KRT74: variants seen among roughly 807,000 people sequenced by gnomAD.
KRT74 encodes the protein keratin, type II cytoskeletal 74.
In KRT74, 43 loss-of-function variants were observed where a neutral mutation model predicts 42.7. That is an observed-to-expected ratio of 1.01 (90% CI 0.79 to 1.30). The LOEUF (loss-of-function observed/expected upper bound fraction) is 1.30. KRT74 is among the 50% of genes most tolerant of loss of function. KRT74 has a pLI of 0.00. For missense variants in KRT74, 736 were observed against 689.1 expected, an observed-to-expected ratio of 1.07 and a Z score of -0.76; for synonymous variants, 302 against 279.0, an observed-to-expected ratio of 1.08 and a Z score of -0.82.
Position 52,566,916 on chromosome 12 carries a change from G to A in KRT74, c.*53C>T, listed in dbSNP as rs1218562600. ...ACTTGGGTGTGGCAGACACCTTTGG[G>A]GGTGGCAAAGTCACCTCTTCTTCCA... On this transcript the variant is annotated 3_prime_UTR_variant, in exon 9 of 9. Coordinates refer to ENST00000305620, the MANE Select transcript of KRT74 (RefSeq NM_175053.4). 4 of 1,518,774 alleles carry A rather than the reference G, an allele frequency of 2.6e-6. No individual in the cohort carries two copies. The highest frequency in any genetic ancestry group is 2.7e-6 in the Non-Finnish European group (3 of 1,107,140). The allele number at this position is 1,518,774 out of a possible 1,614,324, so 94.1% of individuals were successfully genotyped here. A position where few individuals can be genotyped will look rare whatever the true frequency, so the allele number is the denominator to read the frequency against.
rs1196459307 is a variant in KRT74 at position 52,566,993 on chromosome 12, G to A, written c.1566C>T (p.Ile522=). 6.2e-7 allele frequency: 1 copy of A among 1,609,838 alleles called. No homozygotes were observed. Among genetic ancestry groups the A allele is most frequent in the Non-Finnish European group, 8.5e-7 (1 of 1,177,370 alleles). ...TCTAGCGGGTGGCTTTCCTTGCTGG[G>A]ATGCTGGCTGGGGTGCTCTTGCCCT... The part of the protein sequence containing the change: ...DTQGKSTPAS[I]PARKATR Residue 522 remains isoleucine, a synonymous_variant, in exon 9 of 9, where the codon ATC becomes ATT. Coordinates refer to ENST00000305620, the MANE Select transcript of KRT74 (RefSeq NM_175053.4).
At position 52,573,367 on chromosome 12, in the gene KRT74, G is replaced by A. The variant is rs149972815; in HGVS notation, c.411C>T (p.Arg137=). The A allele has an allele frequency of 1.0e-4, 165 of 1,614,188 alleles. No individual in the cohort carries two copies. The East Asian group carries it at 2.5e-3, about 24-fold the overall frequency. ...VELDPEIQKV[R]AQEREQIKVL... is the part of the protein sequence containing the mutation. ...CCTTGATCTGTTCCCGCTCCTGGGC[G>A]CGCACCTTCTGGATCTCAGGGTCCA... The change falls in exon 1 of 9, where the codon CGC becomes CGT. Residue 137 remains arginine, a synonymous_variant. Coordinates refer to ENST00000305620, the MANE Select transcript of KRT74 (RefSeq NM_175053.4).
intron 1 of KRT74, 23 bp from the exon 2 acceptor site, chr12:52,572,690 C>T: frequency 6.2e-7 from 1 of 1,607,390 alleles, no homozygotes; most frequent in Non-Finnish European, 8.5e-7. Flanking sequence ...TCAACAGACA[C>T]CTGGAACCAC....
At chr12:52,569,266 AC>A (rs200527901) in intron 6 of KRT74, among the ~76,000 whole-genome samples, 39 of 74,904 alleles carry the variant, frequency 5.2e-4, no homozygotes, top group Admixed American at 4.1e-3. Context: ...CCCCACCCCC[AC>A]CCCCCCGCCC....
chr12:52,571,315 G>A (rs377721625), intron 4 of KRT74, 44 bp downstream of exon 4: 15 of 1,185,868 alleles, frequency 1.3e-5, no homozygotes, highest in East Asian at 7.0e-5. Flanking sequence ...TGGAAGAGTC[G>A]GGAAGGAGGC....
At position 52,567,085 on chromosome 12, in the gene KRT74, A is replaced by G; in HGVS notation, c.1474T>C (p.Ser492Pro). The G allele has an allele frequency of 1.3e-6, 2 of 1,598,248 alleles. No individual in the cohort carries two copies. Among genetic ancestry groups the G allele is most frequent in the Non-Finnish European group, 1.7e-6 (2 of 1,168,094 alleles). Residue 492 changes from serine (S) to proline (P), a missense_variant, in exon 9 of 9, where the codon TCT becomes CCT. Transcript: ENST00000305620. ...GTCTGCCCGCTCTGGGTGCTGCCAG[A>G]GCTGCCTGCCACAGCGCTGGCCCCA... is the stretch of plus-strand genomic sequence containing the variant. ...DLGASAVAGS[S>P]GSTQSGQTKT... is the part of the protein sequence containing the mutation.
At chr12:52,569,420 C>T (rs1294889602) in intron 6 of KRT74, 3 of 587,238 alleles carry the variant, frequency 5.1e-6, no homozygotes, top group Non-Finnish European at 9.0e-6. Context: ...GATGCATACC[C>T]TCTGCACCCC....
intron 8 of KRT74, 67 bp from the exon 9 acceptor site, chr12:52,567,235 C>G: frequency 7.4e-7 from 1 of 1,352,432 alleles, no homozygotes; most frequent in African/African-American, 1.5e-5. Context: ...GCTATGGTAA[C>G]GGCTGTCCCC....
At position 52,572,522 on chromosome 12, in the gene KRT74, G is replaced by A. The variant is rs141780300; in HGVS notation, c.617C>T (p.Ser206Phe). ...SNLRKQLETL[S>F]GDRVRLDSEL... ...CGAGTCCAGCCTCACCCTGTCCCCA[G>A]ACAGTGTCTCCAGCTGCTTCCGCAG... Residue 206 changes from serine (S) to phenylalanine (F), a missense_variant, in exon 2 of 9, where the codon TCT becomes TTT. Transcript: ENST00000305620. 2.5e-6 allele frequency: 4 copies of A among 1,614,078 alleles called. No homozygotes were observed. Among genetic ancestry groups the A allele is most frequent in the Non-Finnish European group, 3.4e-6 (4 of 1,180,046 alleles).
At chr12:52,567,224 A>G in intron 8 of KRT74, 56 bp from the exon 9 acceptor site, 1 of 1,431,010 alleles carries the variant, frequency 7.0e-7, no homozygotes, top group East Asian at 2.5e-5. Flanking sequence ...AGCAGATAAC[A>G]GCTATGGTAA....
In KRT74 at chr12:52,573,769, C is replaced by T. The variant is rs1215747738; in HGVS notation, c.9G>A (p.Arg3=). MS[R]QLNIKSSGDK... is the part of the protein sequence containing the mutation. ...CACCACTGGACTTGATGTTCAGTTG[C>T]CGACTCATGGTGGGAAAGGTTGAGT... Residue 3 remains arginine (R), a synonymous_variant, in exon 1 of 9, where the codon CGG becomes CGA. Coordinates refer to ENST00000305620, the MANE Select transcript of KRT74 (RefSeq NM_175053.4). The T allele has an allele frequency of 1.2e-6, 2 of 1,612,914 alleles. No homozygotes were observed. The highest frequency in any genetic ancestry group is 2.2e-5 in the East Asian group (1 of 44,884).
intron 3 of KRT74, 60 bp downstream of exon 3, chr12:52,571,884 G>T: frequency 8.6e-7 from 1 of 1,161,858 alleles, no homozygotes; most frequent in Non-Finnish European, 1.3e-6. Context: ...GAAGTCCTGA[G>T]CAGAGTTGTT....
rs746776772 is a variant in KRT74 at position 52,573,531 on chromosome 12, C to T, written c.247G>A (p.Gly83Arg). ...CCAGCAAAGCCACTGGCCCGGCCCC[C>T]TCCATACCCAGAGCCAGGCCTGAAG... ...YGFRPGSGYG[G>R]GRASGFAGSM... Residue 83 changes from glycine to arginine, a missense_variant, in exon 1 of 9, where the codon GGG (glycine) becomes AGG (arginine). Transcript: ENST00000305620. The T allele has an allele frequency of 8.1e-6, 13 of 1,614,056 alleles. No individual in the cohort carries two copies. Among genetic ancestry groups the T allele is most frequent in the Admixed American group, 1.7e-5 (1 of 60,008 alleles).
intron 2 of KRT74, 123 bp downstream of exon 2, chr12:52,572,330 G>A: frequency 2.0e-6 from 2 of 1,017,076 alleles, no homozygotes; most frequent in Admixed American, 3.7e-5. Flanking sequence ...GCCAGAGAAA[G>A]GGATGTGAGC....
At chr12:52,572,432 C>A in intron 2 of KRT74, 21 bp downstream of exon 2, 2 of 1,613,264 alleles carry the variant, frequency 1.2e-6, no homozygotes, top group African/African-American at 1.3e-5. Flanking sequence ...GGTCTGTGAC[C>A]CTCGGGTGGA....
At chr12:52,570,576 A>T in intron 5 of KRT74, 93 bp downstream of exon 5, 1 of 1,362,558 alleles carries the variant, frequency 7.3e-7, no homozygotes, top group South Asian at 1.2e-5. Flanking sequence ...TTCATTCAGC[A>T]TGCCCACAAA....
In KRT74 at chr12:52,571,937, C is replaced by A; in HGVS notation, c.747+7G>T. ...GACCCTAATAAGGAGGCTCCTCCCT[C>A]TCTTACCTTCTTAAGCACCACAAAC... On this transcript the variant is annotated splice_region_variant and intron_variant, in intron 3 of 8. Transcript: ENST00000305620. 1.3e-6 allele frequency: 2 copies of A among 1,540,984 alleles called. No individual in the cohort carries two copies. The highest frequency in any genetic ancestry group is 1.8e-6 in the Non-Finnish European group (2 of 1,113,832).
rs892695153 is a variant in KRT74 at position 52,573,557 on chromosome 12, C to G, written c.221G>C (p.Gly74Ala). Residue 74 changes from glycine to alanine, a missense_variant, in exon 1 of 9, where the codon GGC (glycine) becomes GCC (alanine). Physicochemically the swap from Gly to Ala is moderately conservative, Grantham distance 60. Transcript: ENST00000305620. ...AGGGVRAGGYGFRPGSGYGGG... is the reference protein window; with the variant it reads ...AGGGVRAGGYAFRPGSGYGGG... ...TCCATACCCAGAGCCAGGCCTGAAG[C>G]CGTAACCTCCAGCCCGAACGCCGCC... The G allele has an allele frequency of 6.2e-7, 1 of 1,614,012 alleles. No homozygotes were observed. The highest frequency in any genetic ancestry group is 8.5e-7 in the Non-Finnish European group (1 of 1,180,048).
chr12:52,570,053 AC>A, intron 5 of KRT74, 69 bp from the exon 6 acceptor site: 1 of 1,548,120 alleles, frequency 6.5e-7, no homozygotes, highest in Non-Finnish European at 8.9e-7. Context: ...TAAATAAGCC[AC>A]CCCTGCCACC....
Sources: gnomAD v4.1 joint callset for allele counts (sites outside exome capture counted in the v4.1 genomes callset) on GRCh38, gnomAD v4.1.1 for gene constraint, MANE v1.5 for transcripts, NCBI Gene and HGNC (gene_info 2026-07-23, HGNC 2026-07-21) for gene names.